Variants in GPC6 observed in about 807,000 individuals in gnomAD.
GPC6 encodes the protein glypican-6.
GPC6 carries 14 observed loss-of-function variants against 55.2 expected under a neutral mutation model. That is an observed-to-expected ratio of 0.25 (90% CI 0.17 to 0.40). The LOEUF (loss-of-function observed/expected upper bound fraction) is 0.40. Ranked by LOEUF, GPC6 falls within the 10% of genes least tolerant of loss-of-function variation. GPC6 has a pLI of 1.00. For missense variants in GPC6, 641 were observed against 708.5 expected, an observed-to-expected ratio of 0.90 and a Z score of 1.08; for synonymous variants, 278 against 259.6, an observed-to-expected ratio of 1.07 and a Z score of -0.68.
chr13:94,249,275 T>C (rs1004387611), intron 4 of GPC6, among the ~76,000 whole-genome samples: 1 of 152,104 alleles, frequency 6.6e-6, no homozygotes, highest in African/African-American at 2.4e-5. Context: ...CTGATAACAA[T>C]AGAGTGTAAT....
At chr13:94,013,802 C>G (rs544283121) in intron 3 of GPC6, among the ~76,000 whole-genome samples, 13 of 152,154 alleles carry the variant, frequency 8.5e-5, no homozygotes, top group Non-Finnish European at 1.3e-4. Context: ...GTTGTGTAAG[C>G]GTTCCACAGC....
intron 5 of GPC6, among the ~76,000 whole-genome samples, chr13:94,299,634 A>G (rs780817723): frequency 6.6e-6 from 1 of 152,340 alleles, no homozygotes; most frequent in Middle Eastern, 3.4e-3. Flanking sequence ...GGTGCCATCT[A>G]TAAAGCAGAG....
rs147098823 is a variant in GPC6, at chr13:93,870,351, C to T, written c.711+39806C>T. ...TTTATGAGGATGCATGCCACTATTACGAAGAAAAAGTATTACTACTATTTT... is the reference window on the plus strand; with the variant it reads ...TTTATGAGGATGCATGCCACTATTATGAAGAAAAAGTATTACTACTATTTT... On this transcript the variant is annotated intron_variant, in intron 3 of 8. Coordinates refer to ENST00000377047, the MANE Select transcript of GPC6 (RefSeq NM_005708.5). 2.5e-3 allele frequency among the ~76,000 whole-genome samples: 376 copies of T among 151,918 alleles called. 5 individuals carry two copies. Among genetic ancestry groups the T allele is most frequent in the African/African-American group, 8.7e-3 (363 of 41,490 alleles).
At chr13:93,783,840 T>A (rs1885735979) in intron 2 of GPC6, among the ~76,000 whole-genome samples, 1 of 152,198 alleles carries the variant, frequency 6.6e-6, no homozygotes, top group South Asian at 2.1e-4. Flanking sequence ...CCTAGAATAA[T>A]CTTGCTGTTT....
intron 2 of GPC6, among the ~76,000 whole-genome samples, chr13:93,799,085 CTG>C (rs1886293115): frequency 6.6e-6 from 1 of 152,078 alleles, no homozygotes; most frequent in South Asian, 2.1e-4. Context: ...CTACTAAAAT[CTG>C]TTTTTTCTCA....
chr13:93,772,582 A>G (rs1330768066), intron 2 of GPC6, among the ~76,000 whole-genome samples: 2 of 152,136 alleles, frequency 1.3e-5, no homozygotes, highest in Non-Finnish European at 2.9e-5. Context: ...TATATACACA[A>G]GGAAGAGAAA....
intron 2 of GPC6, among the ~76,000 whole-genome samples, chr13:93,825,756 G>A (rs1273600357): frequency 2.6e-5 from 4 of 152,060 alleles, no homozygotes; most frequent in African/African-American, 9.7e-5. Context: ...TTCACCTTGA[G>A]AAAGGCAGGA....
intron 3 of GPC6, among the ~76,000 whole-genome samples, chr13:93,997,280 T>A (rs947988190): frequency 3.3e-5 from 5 of 152,182 alleles, no homozygotes; most frequent in Non-Finnish European, 7.3e-5. Context: ...CAAAAAAGCC[T>A]AGAGTATATT....
intron 1 of GPC6, among the ~76,000 whole-genome samples, chr13:93,401,530 A>C (rs1376127635): frequency 6.6e-6 from 1 of 151,680 alleles, no homozygotes; most frequent in Non-Finnish European, 1.5e-5. Context: ...TTGCACTAAA[A>C]AAAAAAAGCG....
intron 1 of GPC6, among the ~76,000 whole-genome samples, chr13:93,474,381 A>G (rs1360849638): frequency 6.6e-6 from 1 of 152,118 alleles, no homozygotes; most frequent in African/African-American, 2.4e-5. Context: ...GTTTATAAAA[A>G]TGTTTGTGGT....
chr13:94,025,910 G>A (rs377272633), intron 3 of GPC6, among the ~76,000 whole-genome samples: 23 of 152,000 alleles, frequency 1.5e-4, no homozygotes, highest in African/African-American at 5.3e-4. Flanking sequence ...AAAATGAAAA[G>A]GATATTACTC....
chr13:94,218,978 T>C (rs1890303638), intron 4 of GPC6, among the ~76,000 whole-genome samples: 2 of 152,154 alleles, frequency 1.3e-5, no homozygotes, highest in African/African-American at 4.8e-5. Context: ...TTCTAAAATA[T>C]GTGATCATTT....
chr13:93,692,351 A>G (rs1882289625), intron 2 of GPC6, among the ~76,000 whole-genome samples: 1 of 152,106 alleles, frequency 6.6e-6, no homozygotes, highest in Admixed American at 6.5e-5. Flanking sequence ...CATTTGTTTG[A>G]TGACTATTAA....
intron 1 of GPC6, among the ~76,000 whole-genome samples, chr13:93,354,444 G>A (rs895965822): frequency 9.0e-5 from 13 of 144,372 alleles, no homozygotes; most frequent in African/African-American, 2.4e-4. Flanking sequence ...TCTGCCTCCC[G>A]GGTTCACGCC....
At chr13:94,294,673 G>A (rs550224500) in intron 5 of GPC6, among the ~76,000 whole-genome samples, 12 of 151,774 alleles carry the variant, frequency 7.9e-5, no homozygotes, top group East Asian at 7.7e-4. Flanking sequence ...CAAAATGTTC[G>A]GGGAAAATAA....
chr13:93,884,733 C>T (rs747115545), intron 3 of GPC6, among the ~76,000 whole-genome samples: 59 of 152,050 alleles, frequency 3.9e-4, no homozygotes, highest in South Asian at 1.0e-3. Flanking sequence ...CATACATACC[C>T]ATGCATTTAT....
chr13:93,300,578 G>A (rs1878640966), intron 1 of GPC6, among the ~76,000 whole-genome samples: 1 of 150,552 alleles, frequency 6.6e-6, no homozygotes, highest in South Asian at 2.1e-4. Flanking sequence ...AACCCGGGAG[G>A]CGGAGCTTGC....
At chr13:93,376,070 G>A (rs866751969) in intron 1 of GPC6, among the ~76,000 whole-genome samples, 27 of 128,454 alleles carry the variant, frequency 2.1e-4, no homozygotes, top group African/African-American at 7.3e-4. Flanking sequence ...TTTTTTTGAT[G>A]AGGGAGAGAG....
rs373530485 is a variant in GPC6, at chr13:93,385,423, G to T, written c.160+157807G>T. On this transcript the variant is annotated intron_variant, in intron 1 of 8. Coordinates refer to ENST00000377047, the MANE Select transcript of GPC6 (RefSeq NM_005708.5). The stretch of plus-strand genomic sequence containing the variant: ...TTAAGCAGAGGGTGACTTAATCTCT[G>T]TGATTTATGCTTTGAAAAGTTCATT... 1.1e-4 allele frequency among the ~76,000 whole-genome samples: 17 copies of T among 152,364 alleles called. 1 individual carries two copies. Among genetic ancestry groups the T allele is most frequent in the African/African-American group, 3.6e-4 (15 of 41,586 alleles).
Sources: allele counts gnomAD v4.1 joint callset (sites outside exome capture counted in the v4.1 genomes callset), GRCh38; gene constraint gnomAD v4.1.1; transcripts MANE v1.5; gene names NCBI Gene and HGNC (gene_info 2026-07-23, HGNC 2026-07-21).